NAV2: variants seen among roughly 807,000 people sequenced by gnomAD.
The protein encoded by NAV2 is neuron navigator 2.
Under a neutral mutation model 223.2 loss-of-function variants are expected in NAV2, and 54 were observed. The observed-to-expected ratio is 0.24, with a 90% CI of 0.19 to 0.30. The LOEUF (loss-of-function observed/expected upper bound fraction) is 0.30. Ranked by LOEUF, NAV2 falls within the 10% of genes least tolerant of loss-of-function variation. NAV2 has a pLI of 1.00. For synonymous variants in NAV2, 1,279 were observed against 1,239.3 expected (o/e 1.03, Z -0.67); for missense variants, 2,806 against 3,147.5 (o/e 0.89, Z 2.60).
At chr11:19,384,125 G>A (rs557201363) in intron 1 of NAV2, among the ~76,000 whole-genome samples, 1 of 152,200 alleles carries the variant, frequency 6.6e-6, no homozygotes, top group East Asian at 1.9e-4. Context: ...AGTAGAAGAA[G>A]CAAATTACAT....
chr11:19,653,754 C>T (rs2048039093), intron 1 of NAV2, among the ~76,000 whole-genome samples: 1 of 152,166 alleles, frequency 6.6e-6, no homozygotes, highest in South Asian at 2.1e-4. Context: ...AACTGCTATA[C>T]CCATTTTGCA....
chr11:19,561,811 G>T (rs1319006942), intron 1 of NAV2, among the ~76,000 whole-genome samples: 1 of 152,162 alleles, frequency 6.6e-6, no homozygotes, highest in Non-Finnish European at 1.5e-5. Flanking sequence ...CTTGGCCAAG[G>T]CTCCACAGCC....
intron 10 of NAV2, among the ~76,000 whole-genome samples, chr11:19,983,865 C>T (rs952094107): frequency 4.6e-5 from 7 of 152,170 alleles, no homozygotes; most frequent in African/African-American, 9.7e-5. Flanking sequence ...CCGTCTGCGT[C>T]GTAGGTACCT....
At chr11:20,077,351 G>A (rs534229637) in intron 22 of NAV2, among the ~76,000 whole-genome samples, 1 of 152,132 alleles carries the variant, frequency 6.6e-6, no homozygotes, top group Admixed American at 6.5e-5. Context: ...CCTAAGATGG[G>A]AAGGAGCACG....
chr11:19,796,143 T>A (rs2152747617), intron 1 of NAV2, among the ~76,000 whole-genome samples: 1 of 152,320 alleles, frequency 6.6e-6, no homozygotes, highest in South Asian at 2.1e-4. Context: ...CCATTCTTGG[T>A]ACCTCAAACA....
intron 14 of NAV2, among the ~76,000 whole-genome samples, chr11:20,046,429 AC>A (rs1738471144): frequency 6.6e-6 from 1 of 152,084 alleles, no homozygotes; most frequent in African/African-American, 2.4e-5. Flanking sequence ...GGGAGCAGAT[AC>A]ATTTTTTTCT....
chr11:19,493,435 T>C (rs1273398971), intron 1 of NAV2, among the ~76,000 whole-genome samples: 2 of 152,186 alleles, frequency 1.3e-5, no homozygotes, highest in Non-Finnish European at 2.9e-5. Flanking sequence ...TAATTTTCCC[T>C]TCTTCTTAAA....
At chr11:19,434,105 G>T (rs1215739465) in intron 1 of NAV2, among the ~76,000 whole-genome samples, 1 of 77,050 alleles carries the variant, frequency 1.3e-5, no homozygotes, top group Non-Finnish European at 2.5e-5. Flanking sequence ...AGTGGAAAAT[G>T]AGCCAAAAAA....
At chr11:19,554,166 G>A (rs2044788608) in intron 1 of NAV2, among the ~76,000 whole-genome samples, 1 of 152,194 alleles carries the variant, frequency 6.6e-6, no homozygotes, top group Admixed American at 6.5e-5. Flanking sequence ...CTGAAATCGT[G>A]CTATGACATC....
At chr11:19,980,900 T>C (rs12806069) in intron 10 of NAV2, among the ~76,000 whole-genome samples, 20,486 of 152,210 alleles carry the variant, frequency 0.13, 1,524 homozygotes, top group African/African-American at 0.21. Context: ...CTGTCTCTGG[T>C]GCTGTGCCGT....
At chr11:19,479,059 G>A (rs1259959550) in intron 1 of NAV2, among the ~76,000 whole-genome samples, 1 of 152,182 alleles carries the variant, frequency 6.6e-6, no homozygotes, top group Non-Finnish European at 1.5e-5. Context: ...CCAGCTGGGT[G>A]GGGTTGAGTC....
chr11:20,060,349 A>G (rs938063605), intron 19 of NAV2, among the ~76,000 whole-genome samples: 8 of 152,230 alleles, frequency 5.3e-5, no homozygotes, highest in African/African-American at 1.9e-4. Context: ...AGCTGAATTA[A>G]CTTACCTCTG....
At position 20,085,120 on chromosome 11, in the gene NAV2, G is replaced by C. The variant is rs913412306; in HGVS notation, c.5498+1941G>C. 2.6e-5 allele frequency among the ~76,000 whole-genome samples: 4 copies of C among 151,688 alleles called. No individual in the cohort carries two copies. In the South Asian group the frequency reaches 8.4e-4, roughly 32 times the overall value. ...GAGGCAGGAGGGTCACTTGAGCCCA[G>C]GAATTTGAGACTCCAGTGAGCTGTG... On this transcript the variant is annotated intron_variant, in intron 26 of 37. Coordinates refer to ENST00000349880, the MANE Select transcript of NAV2 (RefSeq NM_145117.5).
chr11:19,680,485 G>C (rs75997054), intron 1 of NAV2, among the ~76,000 whole-genome samples: 195 of 152,262 alleles, frequency 1.3e-3, no homozygotes, highest in African/African-American at 4.4e-3. Flanking sequence ...GGCTGAATGA[G>C]TGCTGGGGAA....
chr11:19,410,455 A>G (rs1850094330), intron 1 of NAV2, among the ~76,000 whole-genome samples: 1 of 152,350 alleles, frequency 6.6e-6, no homozygotes, highest in South Asian at 2.1e-4. Flanking sequence ...TTTTACAAAT[A>G]AGGAAACCAA....
At chr11:19,847,017 T>C (rs959102801) in intron 3 of NAV2, among the ~76,000 whole-genome samples, 2 of 152,180 alleles carry the variant, frequency 1.3e-5, no homozygotes, top group African/African-American at 4.8e-5. Flanking sequence ...TAAGTTTGCG[T>C]GTGTGCGTCA....
At chr11:19,731,817 A>G (rs912727751) in intron 1 of NAV2, among the ~76,000 whole-genome samples, 6 of 152,202 alleles carry the variant, frequency 3.9e-5, no homozygotes, top group Admixed American at 6.5e-5. Flanking sequence ...ATTAATGTGA[A>G]CATGTATTGC....
chr11:19,891,647 T>G (rs1055214299), intron 5 of NAV2, among the ~76,000 whole-genome samples: 1 of 152,154 alleles, frequency 6.6e-6, no homozygotes, highest in Non-Finnish European at 1.5e-5. Context: ...GGTCATCAGG[T>G]GTTGAAGGGA....
intron 1 of NAV2, among the ~76,000 whole-genome samples, chr11:19,408,733 T>C (rs186694521): frequency 5.3e-5 from 8 of 152,336 alleles, no homozygotes; most frequent in Non-Finnish European, 1.2e-4. Context: ...TTAAGAATTC[T>C]GCCCAAGGTC....
Sources: allele counts gnomAD v4.1 joint callset (sites outside exome capture counted in the v4.1 genomes callset), GRCh38; gene constraint gnomAD v4.1.1; transcripts MANE v1.5; gene names NCBI Gene and HGNC (gene_info 2026-07-23, HGNC 2026-07-21).